LRMDA: variants seen among roughly 807,000 people sequenced by gnomAD.
The protein encoded by LRMDA is leucine rich melanocyte differentiation associated, also known as leucine-rich melanocyte differentiation-associated protein.
LRMDA carries 18 observed loss-of-function variants against 29.8 expected under a neutral mutation model. That is an observed-to-expected ratio of 0.60 (90% CI 0.42 to 0.90). LRMDA has a LOEUF of 0.90. LRMDA is among the 40% of genes least tolerant of loss of function. The pLI is 0.00. For missense variants in LRMDA, 273 were observed against 273.9 expected (o/e 1.00, Z 0.02); for synonymous variants, 125 against 109.4 (o/e 1.14, Z -0.89).
chr10:76,544,761 T>A (rs1453097627), intron 6 of LRMDA, among the ~76,000 whole-genome samples: 1 of 149,756 alleles, frequency 6.7e-6, no homozygotes, highest in Non-Finnish European at 1.5e-5. Flanking sequence ...CACAGCTTTT[T>A]CCCAAAGCAG....
chr10:76,102,312 G>T (rs1220961488), intron 5 of LRMDA, among the ~76,000 whole-genome samples: 1 of 152,018 alleles, frequency 6.6e-6, no homozygotes. Context: ...GTTGTTGTGG[G>T]GTTTGGTGTA....
intron 2 of LRMDA, among the ~76,000 whole-genome samples, chr10:75,940,789 C>T (rs549085655): frequency 3.7e-4 from 56 of 151,570 alleles, no homozygotes; most frequent in Non-Finnish European, 6.8e-4. Flanking sequence ...TGTGTGCGCG[C>T]GCGTGTGTGT....
In LRMDA at chr10:76,352,887, G is replaced by A. The variant is rs545135190; in HGVS notation, c.601+28402G>A. Among the ~76,000 whole-genome samples the A allele has an allele frequency of 3.9e-4, 60 of 152,092 alleles. 1 individual carries two copies. Among genetic ancestry groups the A allele is most frequent in the South Asian group, 2.9e-3 (14 of 4,812 alleles). On this transcript the variant is annotated intron_variant, in intron 6 of 6. Transcript: ENST00000611255. ...GAGGATGTTCTTAGACATGCCACTC[G>A]GTACCCTTGAAATCCTACTTTGGTG...
At chr10:75,531,081 G>A (rs888246100) in intron 2 of LRMDA, among the ~76,000 whole-genome samples, 1 of 152,176 alleles carries the variant, frequency 6.6e-6, no homozygotes, top group African/African-American at 2.4e-5. Flanking sequence ...CTTTCACTGG[G>A]CATGTCTCTT....
rs972388659 is a variant in LRMDA, at chr10:75,931,229, T to C, written c.132-104779T>C. 2.0e-5 allele frequency among the ~76,000 whole-genome samples: 3 copies of C among 152,128 alleles called. No homozygotes were observed. The East Asian group carries it at 5.8e-4, about 29-fold the overall frequency. On this transcript the variant is annotated intron_variant, in intron 2 of 6. Transcript: ENST00000611255. The stretch of plus-strand genomic sequence containing the variant: ...CGGTCTGAAGATGTCATGGGCATTG[T>C]GAATAGGGACAGCAGAGGTTACATC...
intron 2 of LRMDA, among the ~76,000 whole-genome samples, chr10:75,531,457 T>C (rs961445886): frequency 6.6e-6 from 1 of 152,194 alleles, no homozygotes; most frequent in Non-Finnish European, 1.5e-5. Context: ...CCTGAGGGTC[T>C]CAACAGCCAG....
chr10:76,439,934 C>T (rs574986621), intron 6 of LRMDA, among the ~76,000 whole-genome samples: 23 of 152,244 alleles, frequency 1.5e-4, no homozygotes, highest in African/African-American at 3.9e-4. Flanking sequence ...GGGTATAGAA[C>T]GACCCCTTGG....
intron 2 of LRMDA, among the ~76,000 whole-genome samples, chr10:75,820,986 A>G (rs541384426): frequency 1.7e-4 from 26 of 152,212 alleles, no homozygotes; most frequent in Non-Finnish European, 3.4e-4. Context: ...GAACAGACCA[A>G]TAATGAGTAG....
intron 2 of LRMDA, among the ~76,000 whole-genome samples, chr10:75,746,784 A>G (rs1193836272): frequency 1.3e-5 from 2 of 152,200 alleles, no homozygotes; most frequent in African/African-American, 4.8e-5. Context: ...CAATTAGGAC[A>G]CATCCTAAAG....
chr10:75,507,508 T>G (rs1845182656), intron 2 of LRMDA, among the ~76,000 whole-genome samples: 1 of 152,310 alleles, frequency 6.6e-6, no homozygotes, highest in African/African-American at 2.4e-5. Flanking sequence ...AAGGGTCATG[T>G]TGAAGTCACC....
chr10:75,545,599 G>T (rs138354753), intron 2 of LRMDA, among the ~76,000 whole-genome samples: 1 of 152,116 alleles, frequency 6.6e-6, no homozygotes, highest in Non-Finnish European at 1.5e-5. Flanking sequence ...CGTCCTAAAG[G>T]TGGTGACATG....
chr10:75,794,094 T>G (rs188754186), intron 2 of LRMDA, among the ~76,000 whole-genome samples: 5 of 152,340 alleles, frequency 3.3e-5, no homozygotes, highest in Non-Finnish European at 7.3e-5. Context: ...GCACTATGGT[T>G]TGGGGGCTAT....
chr10:75,923,745 G>A (rs937611288), intron 2 of LRMDA, among the ~76,000 whole-genome samples: 1 of 152,082 alleles, frequency 6.6e-6, no homozygotes, highest in African/African-American at 2.4e-5. Flanking sequence ...TCCTTTTAAG[G>A]TGTCTTAAGA....
chr10:75,551,345 T>A lies in LRMDA; in HGVS notation c.131+112851T>A, dbSNP rs1193833990. On this transcript the variant is annotated intron_variant, in intron 2 of 6. Transcript: ENST00000611255. ...TTACTTGATATTTATTTATTTATTT[T>A]TTATAATACTTTAAGTTCTGGGGTA... Among the ~76,000 whole-genome samples the A allele has an allele frequency of 5.3e-5, 8 of 152,048 alleles. 1 individual carries two copies. The highest frequency in any genetic ancestry group is 2.9e-5 in the Non-Finnish European group (2 of 68,014).
intron 5 of LRMDA, among the ~76,000 whole-genome samples, chr10:76,084,385 T>C (rs1001190738): frequency 2.2e-4 from 30 of 139,410 alleles, no homozygotes; most frequent in Non-Finnish European, 4.0e-4. Context: ...TTTTTTTTTT[T>C]TTTTTTTTTT....
chr10:75,682,854 G>A (rs989571004), intron 2 of LRMDA, among the ~76,000 whole-genome samples: 1 of 152,284 alleles, frequency 6.6e-6, no homozygotes, highest in African/African-American at 2.4e-5. Flanking sequence ...TGGACACATG[G>A]AACTTAAGAA....
intron 5 of LRMDA, among the ~76,000 whole-genome samples, chr10:76,137,906 G>C (rs1296666568): frequency 1.3e-5 from 2 of 152,054 alleles, no homozygotes; most frequent in Non-Finnish European, 2.9e-5. Context: ...GGGGTTGGCT[G>C]GGGGGACTGT....
intron 6 of LRMDA, among the ~76,000 whole-genome samples, chr10:76,328,561 G>A (rs966463087): frequency 7.2e-5 from 11 of 152,162 alleles, no homozygotes; most frequent in African/African-American, 2.7e-4. Flanking sequence ...CCTTTACCCA[G>A]TGCGTATGAA....
At chr10:76,125,427 A>C (rs1564659332) in intron 5 of LRMDA, among the ~76,000 whole-genome samples, 1 of 152,226 alleles carries the variant, frequency 6.6e-6, no homozygotes, top group African/African-American at 2.4e-5. Context: ...ACAGTTTGCT[A>C]TGTTTACAGA....
Sources: gnomAD v4.1 joint callset for allele counts (sites outside exome capture counted in the v4.1 genomes callset) on GRCh38, gnomAD v4.1.1 for gene constraint, MANE v1.5 for transcripts, NCBI Gene and HGNC (gene_info 2026-07-23, HGNC 2026-07-21) for gene names.